The following CARM1 variants were observed in gnomAD, a reference collection of about 807,000 sequenced individuals.
CARM1 encodes histone-arginine methyltransferase CARM1.
Under a neutral mutation model 72.7 loss-of-function variants are expected in CARM1, and 14 were observed. That is an observed-to-expected ratio of 0.19 (90% CI 0.13 to 0.30). CARM1 has a LOEUF of 0.30. Among genes scored for constraint, CARM1 ranks in the 10% least tolerant of loss-of-function variants. CARM1 has a pLI of 1.00. For synonymous variants in CARM1, 333 were observed against 345.5 expected, an observed-to-expected ratio of 0.96 and a Z score of 0.40; for missense variants, 432 against 833.7, an observed-to-expected ratio of 0.52 and a Z score of 5.93.
chr19:10,874,082 C>T (rs1199906092), intron 1 of CARM1, among the ~76,000 whole-genome samples: 2 of 152,108 alleles, frequency 1.3e-5, no homozygotes, highest in Non-Finnish European at 2.9e-5. Context: ...GTTATTAAGA[C>T]AGCACTTCTC....
intron 1 of CARM1, among the ~76,000 whole-genome samples, chr19:10,888,598 G>C (rs1048263619): frequency 6.6e-6 from 1 of 152,102 alleles, no homozygotes; most frequent in Admixed American, 6.5e-5. Context: ...TGGAGCGAGG[G>C]GGCTGGTGCA....
chr19:10,919,995 C>G, intron 10 of CARM1, 29 bp downstream of exon 10: 1 of 1,553,452 alleles, frequency 6.4e-7, no homozygotes, highest in East Asian at 2.2e-5. Flanking sequence ...CCCATGCTGC[C>G]TCCTCCCCAC....
chr19:10,913,278 G>A (rs1036734556), intron 5 of CARM1, among the ~76,000 whole-genome samples: 1 of 151,984 alleles, frequency 6.6e-6, no homozygotes, highest in East Asian at 1.9e-4. Flanking sequence ...GTATTTTTAG[G>A]CCAGGCATGG....
chr19:10,921,168 C>G (rs977160728), intron 14 of CARM1, 41 bp downstream of exon 14: 2 of 1,581,248 alleles, frequency 1.3e-6, no homozygotes, highest in Non-Finnish European at 1.7e-6. Flanking sequence ...GGAGCCATGC[C>G]CAGGACTGCC....
At chr19:10,884,917 G>T (rs2073929473) in intron 1 of CARM1, among the ~76,000 whole-genome samples, 1 of 152,118 alleles carries the variant, frequency 6.6e-6, no homozygotes, top group South Asian at 2.1e-4. Flanking sequence ...TGTTGGCCAG[G>T]TTGGTCTCAA....
intron 1 of CARM1, among the ~76,000 whole-genome samples, chr19:10,885,535 A>G (rs1019371734): frequency 1.3e-5 from 2 of 152,218 alleles, no homozygotes; most frequent in African/African-American, 4.8e-5. Context: ...CCCCTGGCCA[A>G]TCAGTGCTCT....
rs1241622588 is a variant in CARM1, at chr19:10,896,858, G to A, written c.221-8093G>A. On this transcript the variant is annotated intron_variant, in intron 1 of 15. Transcript: ENST00000327064. This position sits in a 1 kb window ranked among gnomAD's most constrained non-coding sequence, Gnocchi z 5.2. The stretch of plus-strand genomic sequence containing the variant: ...GGGGAGTGTGTCTCCATTGCCGAGT[G>A]CCTAGTGAGCAGATAGGGAAGTGGG... Among the ~76,000 whole-genome samples, 1 of 152,182 alleles carries A rather than the reference G, an allele frequency of 6.6e-6. No homozygotes were observed. The highest frequency in any genetic ancestry group is 1.5e-5 in the Non-Finnish European group (1 of 68,018).
intron 6 of CARM1, among the ~76,000 whole-genome samples, chr19:10,914,266 C>T (rs1352033469): frequency 6.6e-6 from 1 of 152,214 alleles, no homozygotes; most frequent in Non-Finnish European, 1.5e-5. Context: ...ACCCAGCTGC[C>T]CACTCGCCCA....
In CARM1 at chr19:10,893,795, G is replaced by A. The variant is rs1836137356; in HGVS notation, c.221-11156G>A. ...GGCCGGGCTGTCAGGCCCTCCACGT[G>A]GGTTATGTCACCTCACCCTTTGGGA... On this transcript the variant is annotated intron_variant, in intron 1 of 15. Coordinates refer to ENST00000327064, the MANE Select transcript of CARM1 (RefSeq NM_199141.2). 2.0e-5 allele frequency among the ~76,000 whole-genome samples: 3 copies of A among 152,214 alleles called. No homozygotes were observed. In the South Asian group the frequency reaches 6.2e-4, roughly 31 times the overall value.
chr19:10,885,888 ATT>A (rs766173367), intron 1 of CARM1, among the ~76,000 whole-genome samples: 4 of 78,780 alleles, frequency 5.1e-5, no homozygotes, highest in Admixed American at 2.5e-4. Flanking sequence ...TCACTCCCTC[ATT>A]TTTTTTTTTT....
rs376013869 is a variant in CARM1 at position 10,920,785 on chromosome 19, C to T, written c.1424+37C>T. On this transcript the variant is annotated intron_variant, in intron 12 of 15. Transcript: ENST00000327064. This position sits in a 1 kb window ranked among gnomAD's most constrained non-coding sequence, Gnocchi z 5.3. ...CCCTTGCCTGCACAGGGGGGCGCCC[C>T]GGCCCTGCAACCCCCTTGCCCCTGC... 270 of 1,613,042 alleles carry T rather than the reference C, an allele frequency of 1.7e-4. 1 individual carries two copies. Among genetic ancestry groups the T allele is most frequent in the Non-Finnish European group, 1.9e-4 (221 of 1,179,132 alleles).
intron 1 of CARM1, among the ~76,000 whole-genome samples, chr19:10,875,594 C>T (rs922035231): frequency 1.1e-4 from 17 of 151,722 alleles, no homozygotes; most frequent in Non-Finnish European, 1.9e-4. Context: ...CCGGCTAATT[C>T]TTTGTATTTT....
intron 1 of CARM1, among the ~76,000 whole-genome samples, chr19:10,876,459 G>A (rs768849160): frequency 6.6e-6 from 1 of 152,208 alleles, no homozygotes; most frequent in African/African-American, 2.4e-5. Context: ...ATGGGAGGGA[G>A]TCCTGGGCCA....
chr19:10,871,586 G>T lies in CARM1; in HGVS notation c.-117G>T. On this transcript the variant is annotated 5_prime_UTR_variant, in exon 1 of 16. Transcript: ENST00000327064. This position sits in a 1 kb window ranked among gnomAD's most constrained non-coding sequence, Gnocchi z 5.6. The stretch of plus-strand genomic sequence containing the variant: ...GCACGGCGGCTGCGGCGGCGGTAGC[G>T]GCAGCGGCGGCGGCGGCGGCGGCGG... 1 of 131,234 alleles carries T rather than the reference G, an allele frequency of 7.6e-6. No homozygotes were observed. Among genetic ancestry groups the T allele is most frequent in the South Asian group, 2.6e-4 (1 of 3,844 alleles). The allele number at this position is 131,234 out of a possible 1,614,324, so 8.1% of individuals were successfully genotyped here.
In CARM1 at chr19:10,920,142, G is replaced by A. The variant is rs368381251; in HGVS notation, c.1196+176G>A. ...GGGTGGGGTGTGTGTGTGTGTGTGT[G>A]TATGTGTGTGTGTGTCCTGTGTTCC... On this transcript the variant is annotated intron_variant, in intron 10 of 15. Coordinates refer to ENST00000327064, the MANE Select transcript of CARM1 (RefSeq NM_199141.2). This position sits in a 1 kb window ranked among gnomAD's most constrained non-coding sequence, Gnocchi z 5.3. Among the ~76,000 whole-genome samples, 6 of 131,036 alleles carry A rather than the reference G, an allele frequency of 4.6e-5. No homozygotes were observed. The highest frequency in any genetic ancestry group is 1.5e-4 in the African/African-American group (5 of 34,360). The allele number at this position is 131,036 out of a possible 152,430, so 86.0% of individuals were successfully genotyped here. A position where few individuals can be genotyped will look rare whatever the true frequency, so the allele number is the denominator to read the frequency against.
intron 1 of CARM1, among the ~76,000 whole-genome samples, chr19:10,900,422 C>G (rs566682207): frequency 6.6e-6 from 1 of 152,328 alleles, no homozygotes; most frequent in South Asian, 2.1e-4. Flanking sequence ...CCTTCTGTGA[C>G]TATTTCATAT....
chr19:10,916,453 G>A lies in CARM1; in HGVS notation c.894G>A (p.Thr298=), dbSNP rs749012142. 3 of 1,613,904 alleles carry A rather than the reference G, an allele frequency of 1.9e-6. No homozygotes were observed. The highest frequency in any genetic ancestry group is 3.3e-5 in the Admixed American group (2 of 60,010). ...TIGDVHLAPF[T]DEQLYMEQFT... ...GTGACGTCCACCTTGCACCCTTCAC[G>A]GATGAACAGCTCTACATGGAGCAGT... The change falls in exon 7 of 16, where the codon ACG becomes ACA. Residue 298 remains threonine (T), a synonymous_variant. Coordinates refer to ENST00000327064, the MANE Select transcript of CARM1 (RefSeq NM_199141.2). This position sits in a 1 kb window ranked among gnomAD's most constrained non-coding sequence, Gnocchi z 4.4.
intron 1 of CARM1, among the ~76,000 whole-genome samples, chr19:10,898,644 C>A (rs1363509451): frequency 6.6e-6 from 1 of 152,210 alleles, no homozygotes; most frequent in African/African-American, 2.4e-5. Flanking sequence ...GAGTTTCCTG[C>A]GGGCAGGGCT....
intron 2 of CARM1, among the ~76,000 whole-genome samples, chr19:10,906,765 G>C (rs1438275601): frequency 6.6e-6 from 1 of 151,768 alleles, no homozygotes; most frequent in Non-Finnish European, 1.5e-5. Flanking sequence ...ATGCCTGACC[G>C]TGTCTTTTAA....
Sources: allele counts gnomAD v4.1 joint callset (sites outside exome capture counted in the v4.1 genomes callset), GRCh38; gene constraint gnomAD v4.1.1; non-coding constraint Gnocchi (gnomAD v3.1); transcripts MANE v1.5; gene names NCBI Gene and HGNC (gene_info 2026-07-23, HGNC 2026-07-21).